Variants in MARCHF1 observed in about 807,000 individuals in gnomAD.
MARCHF1 encodes the protein E3 ubiquitin-protein ligase MARCHF1.
In MARCHF1, 40 loss-of-function variants were observed where a neutral mutation model predicts 54.2. The observed-to-expected ratio is 0.74, with a 90% CI of 0.57 to 0.96. The LOEUF is 0.96. Among genes scored for constraint, MARCHF1 ranks in the 40% least tolerant of loss-of-function variants. The probability of loss-of-function intolerance (pLI) is 0.00; values close to 1 mark genes in which losing one functional copy is unlikely to be tolerated. For missense variants in MARCHF1, 586 were observed against 656.5 expected (o/e 0.89, Z 1.17); for synonymous variants, 236 against 236.3 (o/e 1.00, Z 0.01).
At chr4:164,020,282 T>C (rs776234143) in intron 2 of MARCHF1, among the ~76,000 whole-genome samples, 15 of 152,178 alleles carry the variant, frequency 9.9e-5, no homozygotes, top group Non-Finnish European at 1.8e-4. Flanking sequence ...TGGGAAATGA[T>C]CTAGTGATGT....
chr4:163,606,922 C>T (rs1741163446), intron 7 of MARCHF1, among the ~76,000 whole-genome samples: 2 of 151,954 alleles, frequency 1.3e-5, no homozygotes, highest in Non-Finnish European at 2.9e-5. Flanking sequence ...ATATGCCTTC[C>T]CTGGGATTTC....
intron 5 of MARCHF1, among the ~76,000 whole-genome samples, chr4:163,645,478 T>G (rs1273547127): frequency 6.6e-6 from 1 of 152,082 alleles, no homozygotes; most frequent in Non-Finnish European, 1.5e-5. Flanking sequence ...CAAGCAAACA[T>G]GACACCACCA....
In MARCHF1 at chr4:163,526,253, T is replaced by C. The variant is rs2110834521; in HGVS notation, c.*2495A>G. ...GTAGCCCTTAATAAATGAGGCTTTA[T>C]TTTAGCCGATCATCCTCCACTGTGA... is the stretch of plus-strand genomic sequence containing the variant. On this transcript the variant is annotated 3_prime_UTR_variant, in exon 10 of 10. Coordinates refer to ENST00000514618, the MANE Select transcript of MARCHF1 (RefSeq NM_001394959.1). The C allele has an allele frequency of 6.6e-6, 1 of 152,258 alleles. No homozygotes were observed. Among genetic ancestry groups the C allele is most frequent in the South Asian group, 2.1e-4 (1 of 4,832 alleles). 9.4% of individuals were successfully genotyped at this position (152,258 alleles called of 1,614,324 possible).
intron 4 of MARCHF1, among the ~76,000 whole-genome samples, chr4:163,735,740 C>G (rs1257337491): frequency 6.6e-6 from 1 of 151,642 alleles, no homozygotes; most frequent in African/African-American, 2.4e-5. Context: ...ACAGCAAGTG[C>G]TAAACCCTTG....
intron 3 of MARCHF1, among the ~76,000 whole-genome samples, chr4:163,887,509 C>T (rs1041814663): frequency 2.0e-5 from 3 of 152,214 alleles, no homozygotes; most frequent in South Asian, 2.1e-4. Context: ...CTGTTAGAGA[C>T]GTAGACTTTC....
At chr4:163,542,947 G>A (rs940885347) in intron 9 of MARCHF1, among the ~76,000 whole-genome samples, 5 of 152,142 alleles carry the variant, frequency 3.3e-5, no homozygotes, top group African/African-American at 1.2e-4. Context: ...GTGTTTGAGT[G>A]TGTGTGGTGG....
chr4:164,249,284 A>T (rs1028287453), intron 1 of MARCHF1, among the ~76,000 whole-genome samples: 1 of 152,064 alleles, frequency 6.6e-6, no homozygotes, highest in African/African-American at 2.4e-5. Context: ...AGTGACTTGA[A>T]GTCACTAGAA....
intron 4 of MARCHF1, among the ~76,000 whole-genome samples, chr4:163,775,687 G>C (rs148578180): frequency 6.6e-6 from 1 of 152,170 alleles, no homozygotes; most frequent in East Asian, 1.9e-4. Flanking sequence ...AAGGCGGCTA[G>C]GAGTAGGACA....
At chr4:164,045,611 T>C (rs1309667989) in intron 2 of MARCHF1, among the ~76,000 whole-genome samples, 1 of 151,372 alleles carries the variant, frequency 6.6e-6, no homozygotes, top group East Asian at 1.9e-4. Context: ...GCTTAGGTTT[T>C]TGTTTGTTTG....
chr4:164,219,131 C>A (rs1732019141), intron 1 of MARCHF1, among the ~76,000 whole-genome samples: 1 of 152,032 alleles, frequency 6.6e-6, no homozygotes, highest in East Asian at 1.9e-4. Flanking sequence ...GTGTTCCTAG[C>A]AGCTGTCTCG....
At chr4:163,920,723 A>G (rs1379043479) in intron 3 of MARCHF1, among the ~76,000 whole-genome samples, 1 of 152,184 alleles carries the variant, frequency 6.6e-6, no homozygotes, top group Non-Finnish European at 1.5e-5. Context: ...GAGCTGGGAA[A>G]CATTTTTGCT....
chr4:164,333,637 A>G (rs1354739004), intron 1 of MARCHF1, among the ~76,000 whole-genome samples: 1 of 152,094 alleles, frequency 6.6e-6, no homozygotes, highest in Non-Finnish European at 1.5e-5. Context: ...GGACTTCCCT[A>G]TTTCCCGAGC....
chr4:163,575,178 T>G (rs1739994695), intron 8 of MARCHF1, among the ~76,000 whole-genome samples: 1 of 152,018 alleles, frequency 6.6e-6, no homozygotes, highest in Non-Finnish European at 1.5e-5. Flanking sequence ...GCTCTTTAGA[T>G]GTAGATGGCT....
chr4:164,141,415 T>C (rs886860970), intron 1 of MARCHF1, among the ~76,000 whole-genome samples: 3 of 152,232 alleles, frequency 2.0e-5, no homozygotes, highest in Admixed American at 6.5e-5. Flanking sequence ...AAGAGTCACA[T>C]ACTAAAACCT....
At chr4:163,564,639 G>A (rs1246393692) in intron 8 of MARCHF1, among the ~76,000 whole-genome samples, 13 of 152,194 alleles carry the variant, frequency 8.5e-5, no homozygotes, top group Admixed American at 8.5e-4. Flanking sequence ...GTGAGTGAGT[G>A]ACTAAGAATT....
chr4:164,080,158 T>C lies in MARCHF1; in HGVS notation c.-248+31430A>G, dbSNP rs116301991. Among the ~76,000 whole-genome samples, 488 of 152,290 alleles carry C rather than the reference T, an allele frequency of 3.2e-3. 3 individuals are homozygous for C. Among genetic ancestry groups the C allele is most frequent in the African/African-American group, 0.011 (458 of 41,566 alleles). On this transcript the variant is annotated intron_variant, in intron 2 of 9. Coordinates refer to ENST00000514618, the MANE Select transcript of MARCHF1 (RefSeq NM_001394959.1). ...AAAGACCATGTGAATAAGTCATATGTAGAACAACAGATCCTGAGATCACAT... is the reference window on the plus strand; with the variant it reads ...AAAGACCATGTGAATAAGTCATATGCAGAACAACAGATCCTGAGATCACAT...
intron 5 of MARCHF1, among the ~76,000 whole-genome samples, chr4:163,643,117 A>T (rs190595330): frequency 6.7e-6 from 1 of 149,932 alleles, no homozygotes; most frequent in Non-Finnish European, 1.5e-5. Context: ...ATTTGAGACC[A>T]GCCTGGCCAA....
intron 7 of MARCHF1, among the ~76,000 whole-genome samples, chr4:163,601,655 T>G (rs1203744018): frequency 6.6e-6 from 1 of 152,048 alleles, no homozygotes; most frequent in Non-Finnish European, 1.5e-5. Context: ...AACACGTAAA[T>G]ATTGATCCAT....
At chr4:164,305,066 C>T (rs1469494292) in intron 1 of MARCHF1, among the ~76,000 whole-genome samples, 1 of 151,918 alleles carries the variant, frequency 6.6e-6, no homozygotes, top group Non-Finnish European at 1.5e-5. Context: ...CATACTGGAC[C>T]CACTCAGTCA....
Sources: gnomAD v4.1 joint callset for allele counts (sites outside exome capture counted in the v4.1 genomes callset) on GRCh38, gnomAD v4.1.1 for gene constraint, MANE v1.5 for transcripts, NCBI Gene and HGNC (gene_info 2026-07-23, HGNC 2026-07-21) for gene names.